C1orf87: variants seen among roughly 807,000 people sequenced by gnomAD.
C1orf87 encodes the protein chromosome 1 open reading frame 87, also known as uncharacterized protein C1orf87.
Under a neutral mutation model 60.5 loss-of-function variants are expected in C1orf87, and 58 were observed. That is an observed-to-expected ratio of 0.96 (90% CI 0.78 to 1.19). C1orf87 has a LOEUF of 1.19. C1orf87 is among the 50% of genes most tolerant of loss of function. The pLI is 0.00. For missense variants in C1orf87, 673 were observed against 638.6 expected, an observed-to-expected ratio of 1.05 and a Z score of -0.58; for synonymous variants, 236 against 227.4, an observed-to-expected ratio of 1.04 and a Z score of -0.34.
intron 8 of C1orf87, among the ~76,000 whole-genome samples, chr1:60,011,170 C>T (rs192255582): frequency 1.5e-4 from 23 of 152,166 alleles, no homozygotes; most frequent in Admixed American, 3.3e-4. Flanking sequence ...AGTAATATGT[C>T]TGCAAGAGAC....
At chr1:60,039,873 G>A (rs1484178531) in intron 5 of C1orf87, 44 bp downstream of exon 5, 2 of 1,572,190 alleles carry the variant, frequency 1.3e-6, no homozygotes, top group African/African-American at 1.4e-5. Flanking sequence ...TACAAGTTAA[G>A]GAAACAAAAG....
At chr1:60,005,048 G>A (rs768125285) in intron 9 of C1orf87, among the ~76,000 whole-genome samples, 2 of 152,004 alleles carry the variant, frequency 1.3e-5, no homozygotes, top group Non-Finnish European at 2.9e-5. Context: ...AGTAAAACCA[G>A]GATAGAGAAC....
chr1:60,024,156 T>C (rs1353504390), intron 8 of C1orf87, among the ~76,000 whole-genome samples: 1 of 152,216 alleles, frequency 6.6e-6, no homozygotes, highest in East Asian at 1.9e-4. Flanking sequence ...CCTGCTTCTT[T>C]TTGTGCTTAG....
intron 11 of C1orf87, among the ~76,000 whole-genome samples, chr1:59,994,677 C>A (rs747545863): frequency 6.6e-6 from 1 of 152,042 alleles, no homozygotes; most frequent in Non-Finnish European, 1.5e-5. Context: ...CATTCCTTAT[C>A]CCTTCTCCTC....
intron 3 of C1orf87, among the ~76,000 whole-genome samples, chr1:60,051,022 G>A (rs764647551): frequency 7.2e-5 from 11 of 152,164 alleles, no homozygotes; most frequent in Non-Finnish European, 1.6e-4. Flanking sequence ...CACTTATATG[G>A]TTAGAAGTTA....
chr1:60,047,732 C>CAAAAAAAA (rs11415374), intron 3 of C1orf87, among the ~76,000 whole-genome samples: 1 of 145,784 alleles, frequency 6.9e-6, no homozygotes, highest in Non-Finnish European at 1.5e-5. Context: ...ATAGCAAGTC[C>CAAAAAAAA]AAAAAAAAAA....
chr1:60,058,126 G>C (rs1645469835), intron 2 of C1orf87, among the ~76,000 whole-genome samples: 1 of 152,170 alleles, frequency 6.6e-6, no homozygotes, highest in East Asian at 1.9e-4. Flanking sequence ...AATTTCATTT[G>C]GTTGTCCAAA....
At chr1:60,021,251 A>C (rs1417598413) in intron 8 of C1orf87, among the ~76,000 whole-genome samples, 1 of 152,208 alleles carries the variant, frequency 6.6e-6, no homozygotes, top group Non-Finnish European at 1.5e-5. Context: ...AGAACAGACT[A>C]ATACAGCCAA....
At chr1:60,017,831 T>C (rs17120002) in intron 8 of C1orf87, among the ~76,000 whole-genome samples, 2,293 of 152,282 alleles carry the variant, frequency 0.015, 45 homozygotes, top group African/African-American at 0.052. Flanking sequence ...CTCTGCTAAT[T>C]GGTAGGCAAA....
At position 60,066,534 on chromosome 1, in the gene C1orf87, A is replaced by C. The variant is rs1055011567; in HGVS notation, c.107+6003T>G. 2.6e-5 allele frequency among the ~76,000 whole-genome samples: 4 copies of C among 152,150 alleles called. No homozygotes were observed. The South Asian group carries it at 8.3e-4, about 32-fold the overall frequency. ...ATCTTCAGGCTTCACTTCTAATTCT[A>C]GTTCTCTTATTATTTTCACCACACC... is the stretch of plus-strand genomic sequence containing the variant. On this transcript the variant is annotated intron_variant, in intron 2 of 11. Coordinates refer to ENST00000371201, the MANE Select transcript of C1orf87 (RefSeq NM_152377.3).
chr1:60,002,314 C>T (rs1413083915), intron 9 of C1orf87, among the ~76,000 whole-genome samples: 1 of 152,044 alleles, frequency 6.6e-6, no homozygotes, highest in Admixed American at 6.6e-5. Context: ...CTCTGTGCCT[C>T]AGTTTCCTCT....
chr1:60,054,171 A>T (rs1341435652), intron 3 of C1orf87, among the ~76,000 whole-genome samples: 2 of 152,208 alleles, frequency 1.3e-5, no homozygotes, highest in Admixed American at 6.5e-5. Flanking sequence ...AAATTCAAGG[A>T]TTCAGCCAAA....
intron 8 of C1orf87, among the ~76,000 whole-genome samples, chr1:60,013,394 G>T (rs1321535985): frequency 1.3e-5 from 2 of 151,848 alleles, no homozygotes; most frequent in East Asian, 3.9e-4. Flanking sequence ...TCTTAATTCT[G>T]CTATGAAAGT....
rs1367779326 is a variant in C1orf87, at chr1:60,055,238, G to T, written c.308C>A (p.Thr103Lys). 6.2e-7 allele frequency: 1 copy of T among 1,614,096 alleles called. No individual in the cohort carries two copies. Among genetic ancestry groups the T allele is most frequent in the Non-Finnish European group, 8.5e-7 (1 of 1,179,972 alleles). The change falls in exon 3 of 12, where the codon ACA becomes AAA. Residue 103 changes from threonine to lysine, a missense_variant. Thr to Lys is a moderately conservative substitution (Grantham distance 78, BLOSUM62 -1). Transcript: ENST00000371201. ...CAGGAATCTGCTACTGTTTGCCCCT[G>T]TTAGTAGTTTCTGGTTGTTTTCTGA... ...QKSENNQKLL[T>K]GANSSRFLDG...
At chr1:60,006,777 G>C (rs1456435557) in intron 9 of C1orf87, among the ~76,000 whole-genome samples, 4 of 151,976 alleles carry the variant, frequency 2.6e-5, no homozygotes, top group Non-Finnish European at 4.4e-5. Context: ...TAGATCTGTG[G>C]CTTAAGGTCT....
chr1:60,052,024 CT>C (rs977097969), intron 3 of C1orf87, among the ~76,000 whole-genome samples: 2 of 152,178 alleles, frequency 1.3e-5, no homozygotes, highest in African/African-American at 4.8e-5. Context: ...TAGAAATGTC[CT>C]TGACATCTGT....
At chr1:60,035,004 T>C (rs1645265594) in intron 6 of C1orf87, among the ~76,000 whole-genome samples, 1 of 152,018 alleles carries the variant, frequency 6.6e-6, no homozygotes, top group South Asian at 2.1e-4. Flanking sequence ...TAATAATATA[T>C]AATATTTTCC....
intron 8 of C1orf87, among the ~76,000 whole-genome samples, chr1:60,018,449 A>G (rs1320531834): frequency 1.3e-5 from 2 of 152,106 alleles, no homozygotes; most frequent in African/African-American, 2.4e-5. Context: ...TAAGTAGCCT[A>G]ACACTATTTG....
chr1:60,001,828 C>T (rs191339349), intron 9 of C1orf87, among the ~76,000 whole-genome samples: 361 of 152,228 alleles, frequency 2.4e-3, no homozygotes, highest in Middle Eastern at 6.8e-3. Context: ...AGAGGTTGAA[C>T]AGCCTCATCC....
Sources: allele counts gnomAD v4.1 joint callset (sites outside exome capture counted in the v4.1 genomes callset), GRCh38; gene constraint gnomAD v4.1.1; transcripts MANE v1.5; gene names NCBI Gene and HGNC (gene_info 2026-07-23, HGNC 2026-07-21).